Variants in PPP1R42 observed in about 807,000 individuals in gnomAD.
The protein encoded by PPP1R42 is protein phosphatase 1 regulatory subunit 42, also known as leucine rich repeat containing 67.
In PPP1R42, 34 loss-of-function variants were observed where a neutral mutation model predicts 31.0. The ratio of observed to expected loss-of-function variants is 1.10; its 90% CI spans 0.83 to 1.46. The LOEUF (loss-of-function observed/expected upper bound fraction) is 1.46, where lower values mean the gene tolerates loss of function less well. Among genes scored for constraint, PPP1R42 ranks in the 40% most tolerant of loss-of-function variants. The pLI is 0.00. For synonymous variants in PPP1R42, 103 were observed against 109.8 expected (o/e 0.94, Z 0.39); for missense variants, 268 against 303.0 (o/e 0.88, Z 0.86).
chr8:66,984,623 T>C (rs1814948321), intron 6 of PPP1R42: 2 of 1,281,948 alleles, frequency 1.6e-6, no homozygotes, highest in African/African-American at 2.9e-5. Flanking sequence ...CTGTGAAATG[T>C]CTTAAGCTTT....
intron 6 of PPP1R42, chr8:66,985,324 G>T: frequency 1.2e-6 from 1 of 807,680 alleles, no homozygotes; most frequent in Non-Finnish European, 2.2e-6. Flanking sequence ...TCTTCTGATG[G>T]CTTTTCTTTT....
Position 67,028,546 on chromosome 8 carries a change from G to T in PPP1R42, c.-140C>A, listed in dbSNP as rs1389832095. On this transcript the variant is annotated 5_prime_UTR_variant, in exon 1 of 8. Transcript: ENST00000685739. ...AGTTTGGTCGGTTTCATCGGCGCCG[G>T]GTCCCTACGCAGACCAGCGGCGGTT... 8.1e-6 allele frequency: 8 copies of T among 985,400 alleles called. No individual in the cohort carries two copies. The highest frequency in any genetic ancestry group is 9.6e-6 in the Non-Finnish European group (8 of 829,986). 61.0% of individuals were successfully genotyped at this position (985,400 alleles called of 1,614,324 possible). A position where few individuals can be genotyped will look rare whatever the true frequency, so the allele number is the denominator to read the frequency against.
At chr8:66,988,341 T>C in intron 6 of PPP1R42, 59 bp downstream of exon 6, 2 of 1,300,484 alleles carry the variant, frequency 1.5e-6, no homozygotes, top group Non-Finnish European at 2.0e-6. Context: ...GCTGGTAAAA[T>C]AACCAAAAAG....
intron 6 of PPP1R42, chr8:66,984,689 CTT>C (rs1814949910): frequency 6.4e-7 from 1 of 1,572,936 alleles, no homozygotes; most frequent in South Asian, 1.1e-5. Context: ...GAGTTGGCCT[CTT>C]CATGCAATTT....
intron 5 of PPP1R42, among the ~76,000 whole-genome samples, chr8:67,010,398 G>C (rs1346428360): frequency 6.6e-6 from 1 of 152,190 alleles, no homozygotes; most frequent in African/African-American, 2.4e-5. Context: ...GGGAGATCAG[G>C]CTTAAGGGAC....
intron 5 of PPP1R42, among the ~76,000 whole-genome samples, chr8:67,010,122 G>A (rs1042154917): frequency 2.0e-5 from 3 of 152,194 alleles, no homozygotes; most frequent in Non-Finnish European, 4.4e-5. Context: ...CTAGTTGATT[G>A]TAGGTTTATT....
chr8:67,013,772 A>T (rs1419668903), intron 3 of PPP1R42, among the ~76,000 whole-genome samples: 2 of 152,068 alleles, frequency 1.3e-5, no homozygotes, highest in South Asian at 4.1e-4. Context: ...ACCCCTGGAG[A>T]TTCTAATTTG....
At chr8:66,985,376 G>A (rs1188480949) in intron 6 of PPP1R42, 17 of 749,722 alleles carry the variant, frequency 2.3e-5, no homozygotes, top group African/African-American at 6.9e-5. Flanking sequence ...GGAACAGCAC[G>A]AATATTGGCA....
chr8:66,985,963 G>C, intron 6 of PPP1R42: 1 of 755,938 alleles, frequency 1.3e-6, no homozygotes, highest in Non-Finnish European at 2.4e-6. Flanking sequence ...TTTAGCTTTC[G>C]TTTTCTGCTT....
chr8:67,017,102 T>C (rs751177859), intron 2 of PPP1R42, among the ~76,000 whole-genome samples: 22 of 152,204 alleles, frequency 1.4e-4, no homozygotes, highest in Non-Finnish European at 3.2e-4. Flanking sequence ...GTATATTTTA[T>C]AGATTTAATT....
At chr8:66,999,199 A>ATT (rs1815415122) in intron 5 of PPP1R42, among the ~76,000 whole-genome samples, 1 of 151,984 alleles carries the variant, frequency 6.6e-6, no homozygotes, top group Non-Finnish European at 1.5e-5. Context: ...CTGGGACTAC[A>ATT]GATGGGCACC....
At chr8:66,967,102 G>A (rs571257817) in intron 7 of PPP1R42, among the ~76,000 whole-genome samples, 31 of 152,088 alleles carry the variant, frequency 2.0e-4, no homozygotes, top group Middle Eastern at 3.4e-3. Flanking sequence ...TTAGCCTCCC[G>A]AGTAGCTGGG....
At chr8:66,997,439 A>G (rs1328228037) in intron 5 of PPP1R42, among the ~76,000 whole-genome samples, 5 of 151,626 alleles carry the variant, frequency 3.3e-5, no homozygotes, top group Admixed American at 2.6e-4. Flanking sequence ...AGCTGGGACC[A>G]CAGGCATGTT....
At chr8:66,984,326 C>A in intron 6 of PPP1R42, 1 of 1,271,418 alleles carries the variant, frequency 7.9e-7, no homozygotes, top group Non-Finnish European at 1.1e-6. Flanking sequence ...GCTTCCTCAT[C>A]AGGTTCCTCA....
At chr8:66,984,550 A>C in intron 6 of PPP1R42, 4 of 1,234,328 alleles carry the variant, frequency 3.2e-6, no homozygotes, top group Non-Finnish European at 3.6e-6. Flanking sequence ...ACTCCATCTC[A>C]ATCTTGAACT....
At chr8:67,025,732 C>A (rs1056881744) in intron 1 of PPP1R42, among the ~76,000 whole-genome samples, 6 of 151,958 alleles carry the variant, frequency 3.9e-5, no homozygotes, top group Non-Finnish European at 5.9e-5. Context: ...AGGCCGGGTG[C>A]GGTGGCTCAT....
chr8:66,989,201 G>T (rs1270225651), intron 5 of PPP1R42, among the ~76,000 whole-genome samples: 1 of 152,064 alleles, frequency 6.6e-6, no homozygotes, highest in African/African-American at 2.4e-5. Context: ...CTTATAAGAA[G>T]AAAATCAGCT....
chr8:66,983,129 A>C (rs887399014), intron 6 of PPP1R42, among the ~76,000 whole-genome samples: 3 of 152,180 alleles, frequency 2.0e-5, no homozygotes, highest in Admixed American at 1.3e-4. Flanking sequence ...AAAACACACA[A>C]AAAATAAAAA....
At chr8:67,003,302 C>T (rs990657924) in intron 5 of PPP1R42, among the ~76,000 whole-genome samples, 1 of 137,494 alleles carries the variant, frequency 7.3e-6, no homozygotes, top group Admixed American at 7.3e-5. Context: ...TTTTTAAAGT[C>T]TTATCTCCTA....
Sources: gnomAD v4.1 joint callset for allele counts (sites outside exome capture counted in the v4.1 genomes callset) on GRCh38, gnomAD v4.1.1 for gene constraint, MANE v1.5 for transcripts, NCBI Gene and HGNC (gene_info 2026-07-23, HGNC 2026-07-21) for gene names.